Variants in ADGRL3 observed in about 807,000 individuals in gnomAD.
The protein encoded by ADGRL3 is adhesion G protein-coupled receptor L3.
ADGRL3 carries 62 observed loss-of-function variants against 153.5 expected under a neutral mutation model. The ratio of observed to expected loss-of-function variants is 0.40; its 90% CI spans 0.33 to 0.50. The LOEUF is 0.50. ADGRL3 is among the 20% of genes least tolerant of loss of function. ADGRL3 has a pLI of 0.47. For missense variants in ADGRL3, 1,641 were observed against 1,859.4 expected (o/e 0.88, Z 2.16); for synonymous variants, 710 against 672.5 (o/e 1.06, Z -0.86).
chr4:61,567,543 A>G (rs912072135), intron 4 of ADGRL3, among the ~76,000 whole-genome samples: 2 of 152,134 alleles, frequency 1.3e-5, no homozygotes, highest in African/African-American at 4.8e-5. Flanking sequence ...TCCTCACTAG[A>G]CACCATATCT....
Position 62,072,599 on chromosome 4 carries a change from CA to C in ADGRL3, c.*1695del, listed in dbSNP as rs1251720860. The C allele has an allele frequency of 2.6e-5, 4 of 152,242 alleles. No homozygotes were observed. The highest frequency in any genetic ancestry group is 9.6e-5 in the African/African-American group (4 of 41,538). The allele number at this position is 152,242 out of a possible 1,614,324, so 9.4% of individuals were successfully genotyped here. A position where few individuals can be genotyped will look rare whatever the true frequency, so the allele number is the denominator to read the frequency against. ...TCTGCCTAGATGAATAAGCTAAGCA[CA>C]AAATCATACAGGTTTGCAGACAAAG... On this transcript the variant is annotated 3_prime_UTR_variant, in exon 27 of 27. Coordinates refer to ENST00000683033, the MANE Select transcript of ADGRL3 (RefSeq NM_001387552.1).
intron 1 of ADGRL3, among the ~76,000 whole-genome samples, chr4:61,232,053 A>C (rs961872024): frequency 1.3e-5 from 2 of 152,022 alleles, no homozygotes; most frequent in Non-Finnish European, 2.9e-5. Flanking sequence ...CTCAAGCCCC[A>C]GTCTCCTAGT....
chr4:61,717,213 TGTGTGTGC>T (rs144847101), intron 6 of ADGRL3, among the ~76,000 whole-genome samples: 57,910 of 142,456 alleles, frequency 0.41, 11,314 homozygotes, highest in East Asian at 0.54. Flanking sequence ...TGTGTGTGTG[TGTGTGTGC>T]GTGTGTGTGT....
chr4:62,044,122 T>G lies in ADGRL3; in HGVS notation c.3718-331T>G, dbSNP rs572480168. On this transcript the variant is annotated intron_variant, in intron 24 of 26. Transcript: ENST00000683033. ...AAATAATTTGTTTTACCTTGGAAAT[T>G]AAAATTTTCTAATTCTGTCTGAAGA... Among the ~76,000 whole-genome samples, 16 of 152,142 alleles carry G rather than the reference T, an allele frequency of 1.1e-4. No individual in the cohort carries two copies. The East Asian group carries it at 2.9e-3, about 28-fold the overall frequency.
intron 13 of ADGRL3, among the ~76,000 whole-genome samples, chr4:61,930,726 A>C (rs2098814368): frequency 6.6e-6 from 1 of 152,148 alleles, no homozygotes; most frequent in African/African-American, 2.4e-5. Flanking sequence ...GTGTGAATCA[A>C]AATGACTTTT....
chr4:61,713,513 C>G (rs2096044869), intron 6 of ADGRL3, among the ~76,000 whole-genome samples: 1 of 151,746 alleles, frequency 6.6e-6, no homozygotes, highest in African/African-American at 2.4e-5. Context: ...CTCTCAGAAT[C>G]TTAAAAGTTG....
chr4:61,802,239 T>G (rs547990555), intron 8 of ADGRL3, among the ~76,000 whole-genome samples: 13 of 152,168 alleles, frequency 8.5e-5, no homozygotes, highest in African/African-American at 3.1e-4. Flanking sequence ...TATGCACTTT[T>G]GCACACACAA....
chr4:61,990,811 A>T (rs2099100984), intron 19 of ADGRL3, among the ~76,000 whole-genome samples: 1 of 151,848 alleles, frequency 6.6e-6, no homozygotes, highest in Admixed American at 6.6e-5. Context: ...GAGAGTTTGG[A>T]GTCAGGTAGA....
intron 8 of ADGRL3, among the ~76,000 whole-genome samples, chr4:61,766,141 G>A (rs2096976182): frequency 6.6e-6 from 1 of 152,074 alleles, no homozygotes; most frequent in Non-Finnish European, 1.5e-5. Context: ...AGTCATGGGG[G>A]TCAGGTGTGG....
At chr4:61,537,146 G>A (rs2098661706) in intron 4 of ADGRL3, among the ~76,000 whole-genome samples, 1 of 148,600 alleles carries the variant, frequency 6.7e-6, no homozygotes, top group South Asian at 2.2e-4. Flanking sequence ...AGCTTAGTTT[G>A]ACAGATTTGA....
chr4:61,374,989 G>A (rs1329690901), intron 1 of ADGRL3, among the ~76,000 whole-genome samples: 3 of 151,936 alleles, frequency 2.0e-5, no homozygotes, highest in Admixed American at 2.0e-4. Context: ...TTAGATGCCA[G>A]GTTCTTGTGT....
At chr4:61,265,742 G>A (rs1460822694) in intron 1 of ADGRL3, among the ~76,000 whole-genome samples, 1 of 151,768 alleles carries the variant, frequency 6.6e-6, no homozygotes, top group South Asian at 2.1e-4. Context: ...TACTGTAGAG[G>A]TTCGTCATTT....
At chr4:61,677,152 T>C in intron 6 of ADGRL3, 1 of 494,212 alleles carries the variant, frequency 2.0e-6, no homozygotes, top group South Asian at 2.6e-5. Context: ...TATTTCTGTA[T>C]ATGAATACGT....
intron 1 of ADGRL3, among the ~76,000 whole-genome samples, chr4:61,278,941 G>A (rs2093605758): frequency 6.6e-6 from 1 of 152,218 alleles, no homozygotes; most frequent in Admixed American, 6.5e-5. Flanking sequence ...ATGTTTGCAT[G>A]CAGGCATGCC....
intron 3 of ADGRL3, among the ~76,000 whole-genome samples, chr4:61,498,368 G>A (rs908258566): frequency 6.6e-6 from 1 of 152,002 alleles, no homozygotes; most frequent in African/African-American, 2.4e-5. Context: ...GGCTAACACC[G>A]TGAAACCCCG....
chr4:61,721,089 A>G (rs763015571), intron 6 of ADGRL3, among the ~76,000 whole-genome samples: 11 of 152,186 alleles, frequency 7.2e-5, no homozygotes, highest in Non-Finnish European at 1.6e-4. Flanking sequence ...TGTGAATATC[A>G]ATAAGGAGGA....
At chr4:61,473,350 T>C (rs973636213) in intron 2 of ADGRL3, among the ~76,000 whole-genome samples, 2 of 151,998 alleles carry the variant, frequency 1.3e-5, no homozygotes, top group Non-Finnish European at 2.9e-5. Context: ...CCCTGGGTAC[T>C]GTACACAGTG....
chr4:61,840,466 CTTGG>C (rs2098013033), intron 9 of ADGRL3, among the ~76,000 whole-genome samples: 1 of 152,192 alleles, frequency 6.6e-6, no homozygotes, highest in Admixed American at 6.5e-5. Context: ...TTGGTTTGTA[CTTGG>C]TAATAACACA....
intron 1 of ADGRL3, among the ~76,000 whole-genome samples, chr4:61,212,768 T>G (rs572117083): frequency 6.6e-6 from 1 of 152,340 alleles, no homozygotes; most frequent in African/African-American, 2.4e-5. Context: ...AGCAGAAATC[T>G]TATGTACAAT....
Sources: allele counts gnomAD v4.1 joint callset (sites outside exome capture counted in the v4.1 genomes callset), GRCh38; gene constraint gnomAD v4.1.1; transcripts MANE v1.5; gene names NCBI Gene and HGNC (gene_info 2026-07-23, HGNC 2026-07-21).